Variants in FARP1 observed in about 807,000 individuals in gnomAD.
FARP1 encodes the protein FERM, ARH/RhoGEF and pleckstrin domain protein 1, also known as FERM, ARHGEF and pleckstrin domain-containing protein 1.
In FARP1, 52 loss-of-function variants were observed where a neutral mutation model predicts 128.8. The observed-to-expected ratio is 0.40, with a 90% CI of 0.32 to 0.51. The LOEUF is 0.51. Among genes scored for constraint, FARP1 ranks in the 20% least tolerant of loss-of-function variants. The pLI, the probability that FARP1 is intolerant of heterozygous loss-of-function variation, is 0.45. For synonymous variants in FARP1, 580 were observed against 551.8 expected, an observed-to-expected ratio of 1.05 and a Z score of -0.72; for missense variants, 1,333 against 1,367.9, an observed-to-expected ratio of 0.97 and a Z score of 0.40.
chr13:98,394,135 C>CCTT (rs1890418261), intron 12 of FARP1, among the ~76,000 whole-genome samples: 1 of 152,198 alleles, frequency 6.6e-6, no homozygotes, highest in Non-Finnish European at 1.5e-5. Context: ...TGGCACAGAA[C>CCTT]TGGTCGGCGA....
intron 2 of FARP1, among the ~76,000 whole-genome samples, chr13:98,299,792 G>A (rs1267907500): frequency 2.0e-5 from 3 of 152,152 alleles, no homozygotes; most frequent in Non-Finnish European, 2.9e-5. Context: ...ACGACTGCAC[G>A]GACAAAAATG....
rs887658174 is a variant in FARP1 at position 98,446,539 on chromosome 13, T to C, written c.2905-127T>C. 7.2e-6 allele frequency: 7 copies of C among 973,948 alleles called. No homozygotes were observed. The African/African-American group carries it at 7.9e-5, about 11-fold the overall frequency. 60.3% of individuals were successfully genotyped at this position (973,948 alleles called of 1,614,324 possible). A position where few individuals can be genotyped will look rare whatever the true frequency, so the allele number is the denominator to read the frequency against. On this transcript the variant is annotated intron_variant, in intron 25 of 26. Coordinates refer to ENST00000319562, the MANE Select transcript of FARP1 (RefSeq NM_005766.4). Reference sequence around the variant, plus strand: ...GGCAAACACTGGCTGCCATGGTCCCTTCCAGGCCCACGCCCGAGGAGGGAG... The same window carrying C: ...GGCAAACACTGGCTGCCATGGTCCCCTCCAGGCCCACGCCCGAGGAGGGAG...
intron 2 of FARP1, among the ~76,000 whole-genome samples, chr13:98,285,934 G>C (rs1885145327): frequency 6.6e-6 from 1 of 152,038 alleles, no homozygotes; most frequent in African/African-American, 2.4e-5. Context: ...CCCGTTTGGG[G>C]GTCCCCTGTG....
intron 16 of FARP1, among the ~76,000 whole-genome samples, chr13:98,415,878 G>A (rs35683663): frequency 4.6e-5 from 7 of 152,214 alleles, no homozygotes; most frequent in Non-Finnish European, 7.3e-5. Flanking sequence ...TCACACCCCC[G>A]CCATGGGGCT....
chr13:98,343,452 G>A (rs1408097085), intron 2 of FARP1, among the ~76,000 whole-genome samples: 1 of 152,112 alleles, frequency 6.6e-6, no homozygotes, highest in African/African-American at 2.4e-5. Context: ...AGAAGTTTTT[G>A]CTCAACTTTT....
In FARP1 at chr13:98,454,069, G is replaced by A. The variant is rs1389735817; in HGVS notation, c.*5752G>A. 1 of 152,118 alleles carries A rather than the reference G, an allele frequency of 6.6e-6. No homozygotes were observed. Among genetic ancestry groups the A allele is most frequent in the Non-Finnish European group, 1.5e-5 (1 of 68,046 alleles). The allele number at this position is 152,118 out of a possible 1,614,324, so 9.4% of individuals were successfully genotyped here. A position where few individuals can be genotyped will look rare whatever the true frequency, so the allele number is the denominator to read the frequency against. ...CAGCCTGTATATGTGCACTATATAA[G>A]TATATTTACATGAACAACTTCTGTA... On this transcript the variant is annotated 3_prime_UTR_variant, in exon 27 of 27. Coordinates refer to ENST00000319562, the MANE Select transcript of FARP1 (RefSeq NM_005766.4).
chr13:98,387,543 A>G (rs1890141819), intron 8 of FARP1, among the ~76,000 whole-genome samples: 3 of 152,298 alleles, frequency 2.0e-5, no homozygotes, highest in South Asian at 4.1e-4. Context: ...CATTCTTGCC[A>G]CGTTAAATGA....
chr13:98,341,850 A>G (rs779064899), intron 2 of FARP1, among the ~76,000 whole-genome samples: 1 of 152,290 alleles, frequency 6.6e-6, no homozygotes, highest in Non-Finnish European at 1.5e-5. Flanking sequence ...CCCTTTCCCT[A>G]TAGATCCAGT....
At position 98,146,464 on chromosome 13, in the gene FARP1, G is replaced by T. The variant is rs142752864; in HGVS notation, c.-24+2972G>T. On this transcript the variant is annotated intron_variant, in intron 1 of 26. Coordinates refer to ENST00000319562, the MANE Select transcript of FARP1 (RefSeq NM_005766.4). ...GCTGGTCTTGAACTCCTGACCTCAGGTGATTTGCCCGCTTCGGCCTCTCAA... is the reference window on the plus strand; with the variant it reads ...GCTGGTCTTGAACTCCTGACCTCAGTTGATTTGCCCGCTTCGGCCTCTCAA... Among the ~76,000 whole-genome samples the T allele has an allele frequency of 3.4e-3, 513 of 152,320 alleles. 3 individuals are homozygous for T. Among genetic ancestry groups the T allele is most frequent in the African/African-American group, 0.012 (490 of 41,570 alleles).
At chr13:98,228,407 T>C (rs1881917728) in intron 2 of FARP1, among the ~76,000 whole-genome samples, 1 of 151,628 alleles carries the variant, frequency 6.6e-6, no homozygotes, top group Non-Finnish European at 1.5e-5. Flanking sequence ...GTAAACCCCA[T>C]GTTACCTGTT....
intron 1 of FARP1, among the ~76,000 whole-genome samples, chr13:98,209,765 C>G (rs926893639): frequency 8.5e-6 from 1 of 117,548 alleles, no homozygotes; most frequent in African/African-American, 3.3e-5. Flanking sequence ...CTATTGCACT[C>G]CAGCCTGGGC....
intron 17 of FARP1, among the ~76,000 whole-genome samples, chr13:98,429,050 G>T (rs1361902349): frequency 1.3e-5 from 2 of 152,234 alleles, no homozygotes; most frequent in African/African-American, 4.8e-5. Flanking sequence ...CATTGAGGGA[G>T]GCTGGGTGAG....
chr13:98,198,329 A>C (rs749953661), intron 1 of FARP1, among the ~76,000 whole-genome samples: 21 of 152,230 alleles, frequency 1.4e-4, no homozygotes, highest in Non-Finnish European at 2.2e-4. Flanking sequence ...AACATAGCCC[A>C]AAACTGGAAG....
At chr13:98,352,226 G>A (rs1446685089) in intron 3 of FARP1, among the ~76,000 whole-genome samples, 2 of 152,082 alleles carry the variant, frequency 1.3e-5, no homozygotes, top group Non-Finnish European at 2.9e-5. Context: ...GCACGCCATC[G>A]GTGTGTGTTT....
At position 98,453,436 on chromosome 13, in the gene FARP1, A is replaced by C; in HGVS notation, c.*5119A>C. 3.7e-6 allele frequency: 2 copies of C among 545,024 alleles called. No individual in the cohort carries two copies. Among genetic ancestry groups the C allele is most frequent in the Non-Finnish European group, 6.4e-6 (2 of 311,558 alleles). 33.8% of individuals were successfully genotyped at this position (545,024 alleles called of 1,614,324 possible). ...CAGAGCATGTCACCAAAAACCAAGAATGGGTTCAGCCTCCCTGGAGAGATG... is the reference window on the plus strand; with the variant it reads ...CAGAGCATGTCACCAAAAACCAAGACTGGGTTCAGCCTCCCTGGAGAGATG... On this transcript the variant is annotated 3_prime_UTR_variant, in exon 27 of 27. Transcript: ENST00000319562.
chr13:98,365,391 C>G lies in FARP1; in HGVS notation c.277-4C>G, dbSNP rs781628308. On this transcript the variant is annotated splice_region_variant and splice_polypyrimidine_tract_variant and intron_variant, in intron 3 of 26. Transcript: ENST00000319562. ...GTCTTAATCTGTTCTTTTTTCCCTTCTAGGTGTGGCTGGATCTCCTAAAAC... is the reference window on the plus strand; with the variant it reads ...GTCTTAATCTGTTCTTTTTTCCCTTGTAGGTGTGGCTGGATCTCCTAAAAC... 2 of 1,606,798 alleles carry G rather than the reference C, an allele frequency of 1.2e-6. No homozygotes were observed. The highest frequency in any genetic ancestry group is 1.1e-5 in the South Asian group (1 of 90,836).
chr13:98,200,615 G>A (rs1218855950), intron 1 of FARP1, among the ~76,000 whole-genome samples: 2 of 152,142 alleles, frequency 1.3e-5, no homozygotes, highest in African/African-American at 2.4e-5. Flanking sequence ...TGAGACTAGA[G>A]CTGTCTCTAG....
chr13:98,287,991 A>C (rs1436723989), intron 2 of FARP1, among the ~76,000 whole-genome samples: 2 of 151,658 alleles, frequency 1.3e-5, no homozygotes, highest in African/African-American at 4.8e-5. Context: ...TAGTAGAGAC[A>C]GAGTTTCACC....
rs74597929 is a variant in FARP1 at position 98,253,899 on chromosome 13, A to G, written c.171+40486A>G. ...AATCCACTGTCTTGTTTGTGTGTGT[A>G]TGACAGTTTTCATGCATGCTTTCCA... On this transcript the variant is annotated intron_variant, in intron 2 of 26. Transcript: ENST00000319562. Among the ~76,000 whole-genome samples, 572 of 152,298 alleles carry G rather than the reference A, an allele frequency of 3.8e-3. 5 individuals are homozygous for G. Among genetic ancestry groups the G allele is most frequent in the African/African-American group, 0.012 (513 of 41,560 alleles).
Sources: gnomAD v4.1 joint callset for allele counts (sites outside exome capture counted in the v4.1 genomes callset) on GRCh38, gnomAD v4.1.1 for gene constraint, MANE v1.5 for transcripts, NCBI Gene and HGNC (gene_info 2026-07-23, HGNC 2026-07-21) for gene names.